Variants in CNTN4 observed in about 807,000 individuals in gnomAD.
The protein encoded by CNTN4 is contactin 4, also known as contactin-4.
A neutral mutation model predicts 122.5 loss-of-function variants in CNTN4; 77 were observed. The ratio of observed to expected loss-of-function variants is 0.63; its 90% CI spans 0.52 to 0.76. The LOEUF (loss-of-function observed/expected upper bound fraction) is 0.76, where lower values mean the gene tolerates loss of function less well. Ranked by LOEUF, CNTN4 falls within the 30% of genes least tolerant of loss-of-function variation. CNTN4 has a pLI of 0.00. For missense variants in CNTN4, 1,256 were observed against 1,259.1 expected (o/e 1.00, Z 0.04); for synonymous variants, 512 against 447.0 (o/e 1.15, Z -1.83).
intron 2 of CNTN4, among the ~76,000 whole-genome samples, chr3:2,314,575 A>G (rs1397515349): frequency 2.0e-5 from 3 of 151,986 alleles, no homozygotes; most frequent in South Asian, 2.1e-4. Flanking sequence ...TTATTAAGGA[A>G]TAAATGTTAA....
intron 3 of CNTN4, among the ~76,000 whole-genome samples, chr3:2,503,177 G>T (rs1206851906): frequency 2.0e-5 from 3 of 152,102 alleles, no homozygotes; most frequent in Non-Finnish European, 4.4e-5. Flanking sequence ...TGGGGAAAGT[G>T]GGATTGATTA....
intron 4 of CNTN4, among the ~76,000 whole-genome samples, chr3:2,606,009 A>T (rs1333522996): frequency 6.6e-6 from 1 of 152,118 alleles, no homozygotes; most frequent in Non-Finnish European, 1.5e-5. Flanking sequence ...GAGGACTGAG[A>T]TGTGAAGTGA....
chr3:2,270,504 A>C (rs1197974522), intron 2 of CNTN4, among the ~76,000 whole-genome samples: 1 of 151,994 alleles, frequency 6.6e-6, no homozygotes, highest in Non-Finnish European at 1.5e-5. Flanking sequence ...ACTTGGCTTT[A>C]AGTGTGGGAA....
At chr3:2,183,652 G>A (rs893863982) in intron 2 of CNTN4, among the ~76,000 whole-genome samples, 14 of 152,106 alleles carry the variant, frequency 9.2e-5, no homozygotes, top group Non-Finnish European at 1.9e-4. Context: ...TGCCAACACT[G>A]ACCTCAAATA....
chr3:2,847,768 A>G (rs1049182974), intron 7 of CNTN4, among the ~76,000 whole-genome samples: 1 of 152,148 alleles, frequency 6.6e-6, no homozygotes, highest in Non-Finnish European at 1.5e-5. Flanking sequence ...CCTCTCCTGA[A>G]TGTCCACCAC....
intron 2 of CNTN4, among the ~76,000 whole-genome samples, chr3:2,211,046 G>T (rs569247300): frequency 6.6e-6 from 1 of 152,256 alleles, no homozygotes; most frequent in Non-Finnish European, 1.5e-5. Context: ...TAAGAAAAGA[G>T]GTTTAATTGG....
chr3:2,287,670 GAAGAA>G (rs1559415469), intron 2 of CNTN4, among the ~76,000 whole-genome samples: 16 of 59,310 alleles, frequency 2.7e-4, no homozygotes, highest in Non-Finnish European at 4.0e-4. Context: ...AGAAGAAGAA[GAAGAA>G]GAAGAAGAAG....
chr3:2,341,908 C>T (rs1346184358), intron 3 of CNTN4, among the ~76,000 whole-genome samples: 3 of 152,104 alleles, frequency 2.0e-5, no homozygotes, highest in Non-Finnish European at 4.4e-5. Context: ...CCTTCCAGTG[C>T]CCTCTCCAGT....
intron 6 of CNTN4, among the ~76,000 whole-genome samples, chr3:2,762,005 G>A (rs1225810594): frequency 6.6e-6 from 1 of 152,144 alleles, no homozygotes; most frequent in Admixed American, 6.5e-5. Context: ...CAACTGGATA[G>A]CAAGCAATGC....
At chr3:2,152,114 G>A (rs976736321) in intron 2 of CNTN4, among the ~76,000 whole-genome samples, 1 of 152,164 alleles carries the variant, frequency 6.6e-6, no homozygotes. Context: ...AGAGCAGGTG[G>A]CATTTAAACA....
intron 3 of CNTN4, among the ~76,000 whole-genome samples, chr3:2,506,693 G>T (rs2076739458): frequency 6.6e-6 from 1 of 152,150 alleles, no homozygotes; most frequent in Admixed American, 6.5e-5. Context: ...AGAGGAACAT[G>T]CAAAATGTTG....
At chr3:2,560,392 T>A (rs1575994575) in intron 3 of CNTN4, among the ~76,000 whole-genome samples, 1 of 152,154 alleles carries the variant, frequency 6.6e-6, no homozygotes, top group East Asian at 1.9e-4. Context: ...TCTGCCTGCC[T>A]TGGCTTCCCA....
chr3:2,299,828 A>G (rs2042441225), intron 2 of CNTN4, among the ~76,000 whole-genome samples: 1 of 152,206 alleles, frequency 6.6e-6, no homozygotes, highest in Non-Finnish European at 1.5e-5. Context: ...TCCCACATAC[A>G]GTATAATTAT....
Position 2,736,261 on chromosome 3 carries a change from T to C in CNTN4, c.102T>C (p.Pro34=). Residue 34 remains proline (P), a synonymous_variant, in exon 5 of 25, where the codon CCT becomes CCC. Transcript: ENST00000418658. ...HGPIFIQEPS[P]VMFPLDSEEK... ...CGATTTTTATTCAAGAACCAAGTCCTGTAATGTTCCCTTTGGATTCTGAGG... is the reference window on the plus strand; with the variant it reads ...CGATTTTTATTCAAGAACCAAGTCCCGTAATGTTCCCTTTGGATTCTGAGG... 6.2e-7 allele frequency: 1 copy of C among 1,613,718 alleles called. No individual in the cohort carries two copies. Among genetic ancestry groups the C allele is most frequent in the Non-Finnish European group, 8.5e-7 (1 of 1,179,714 alleles).
chr3:2,189,820 C>G (rs2037442405), intron 2 of CNTN4, among the ~76,000 whole-genome samples: 1 of 152,118 alleles, frequency 6.6e-6, no homozygotes, highest in Non-Finnish European at 1.5e-5. Context: ...GTGAGTGATT[C>G]TCAGGTTACT....
At chr3:3,037,800 A>T (rs980112588) in intron 18 of CNTN4, 1 of 225,092 alleles carries the variant, frequency 4.4e-6, no homozygotes, top group African/African-American at 2.3e-5. Context: ...TTCTTAGGGT[A>T]TAAACCATTC....
chr3:3,016,693 G>A (rs1475807168), intron 14 of CNTN4, among the ~76,000 whole-genome samples: 1 of 152,126 alleles, frequency 6.6e-6, no homozygotes, highest in African/African-American at 2.4e-5. Context: ...ATTTTGACCA[G>A]GCAGATCTAA....
intron 8 of CNTN4, among the ~76,000 whole-genome samples, chr3:2,881,216 G>A (rs1475752187): frequency 6.6e-6 from 1 of 152,130 alleles, no homozygotes; most frequent in Non-Finnish European, 1.5e-5. Flanking sequence ...AATGGCTGAT[G>A]AAAAGGGTCA....
At chr3:2,725,422 G>C (rs1878180) in intron 4 of CNTN4, among the ~76,000 whole-genome samples, 2 of 152,058 alleles carry the variant, frequency 1.3e-5, no homozygotes, top group African/African-American at 4.8e-5. Flanking sequence ...TTCTTTATGC[G>C]TAGAAAGAAT....
Sources: gnomAD v4.1 joint callset for allele counts (sites outside exome capture counted in the v4.1 genomes callset) on GRCh38, gnomAD v4.1.1 for gene constraint, MANE v1.5 for transcripts, NCBI Gene and HGNC (gene_info 2026-07-23, HGNC 2026-07-21) for gene names.